The following CADPS2 variants were observed in gnomAD, a reference collection of about 807,000 sequenced individuals.
CADPS2 encodes the protein calcium dependent secretion activator 2, also known as calcium-dependent secretion activator 2.
A neutral mutation model predicts 172.5 loss-of-function variants in CADPS2; 93 were observed. The ratio of observed to expected loss-of-function variants is 0.54; its 90% CI spans 0.46 to 0.64. The LOEUF (loss-of-function observed/expected upper bound fraction) is 0.64, where lower values mean the gene tolerates loss of function less well. Ranked by LOEUF, CADPS2 falls within the 30% of genes least tolerant of loss-of-function variation. The pLI is 0.00. For synonymous variants in CADPS2, 546 were observed against 555.2 expected (o/e 0.98, Z 0.23); for missense variants, 1,420 against 1,565.9 (o/e 0.91, Z 1.57).
chr7:122,841,226 C>A (rs545119240), intron 1 of CADPS2, among the ~76,000 whole-genome samples: 4 of 152,086 alleles, frequency 2.6e-5, no homozygotes, highest in South Asian at 2.1e-4. Flanking sequence ...TTGTCAAATA[C>A]CCTAAAAAAG....
chr7:122,680,655 A>T (rs1023050481), intron 2 of CADPS2, among the ~76,000 whole-genome samples: 5 of 152,240 alleles, frequency 3.3e-5, no homozygotes, highest in Non-Finnish European at 5.9e-5. Context: ...TGGAGGTTGC[A>T]GTGGGTCGGG....
chr7:122,807,265 C>A (rs966421370), intron 1 of CADPS2, among the ~76,000 whole-genome samples: 1 of 152,192 alleles, frequency 6.6e-6, no homozygotes, highest in African/African-American at 2.4e-5. Context: ...ACACTGCAGG[C>A]TCCAAGACTC....
chr7:122,623,883 A>G (rs975184422), intron 4 of CADPS2, among the ~76,000 whole-genome samples: 1 of 152,228 alleles, frequency 6.6e-6, no homozygotes, highest in Non-Finnish European at 1.5e-5. Flanking sequence ...AATTTTCAAC[A>G]TGTTATGGAA....
intron 2 of CADPS2, among the ~76,000 whole-genome samples, chr7:122,688,029 C>G (rs930103238): frequency 6.6e-6 from 1 of 152,206 alleles, no homozygotes; most frequent in African/African-American, 2.4e-5. Flanking sequence ...CTACTTCAAA[C>G]TTAATTCACC....
chr7:122,461,382 T>C (rs2054406800), intron 14 of CADPS2, among the ~76,000 whole-genome samples: 1 of 152,064 alleles, frequency 6.6e-6, no homozygotes, highest in South Asian at 2.1e-4. Context: ...TAAAAAGAAA[T>C]GCACACCTAT....
chr7:122,355,109 T>G (rs2039205264), intron 27 of CADPS2, among the ~76,000 whole-genome samples: 1 of 152,208 alleles, frequency 6.6e-6, no homozygotes. Flanking sequence ...GTTTATTATA[T>G]TTAAATGGTT....
chr7:122,506,934 T>C (rs1312575845), intron 9 of CADPS2, among the ~76,000 whole-genome samples: 3 of 152,046 alleles, frequency 2.0e-5, no homozygotes, highest in Admixed American at 6.6e-5. Context: ...GATTTGCATA[T>C]ATTTATTTAC....
At chr7:122,604,674 T>G (rs2073260023) in intron 6 of CADPS2, among the ~76,000 whole-genome samples, 1 of 152,136 alleles carries the variant, frequency 6.6e-6, no homozygotes, top group South Asian at 2.1e-4. Context: ...CCCACAATAA[T>G]TCTGAAAAAT....
Position 122,491,295 on chromosome 7 carries a change from A to G in CADPS2, c.1651+17T>C. On this transcript the variant is annotated intron_variant, in intron 10 of 29. Transcript: ENST00000449022. ...GCATACATACATGGCAGGAAAAGTG[A>G]TTCAATTAAGATTTACCTGGGTGGG... is the stretch of plus-strand genomic sequence containing the variant. 9.2e-6 allele frequency: 14 copies of G among 1,515,132 alleles called. No homozygotes were observed. The highest frequency in any genetic ancestry group is 1.3e-5 in the Non-Finnish European group (14 of 1,103,874). 93.9% of individuals were successfully genotyped at this position (1,515,132 alleles called of 1,614,324 possible). A position where few individuals can be genotyped will look rare whatever the true frequency, so the allele number is the denominator to read the frequency against.
At chr7:122,408,177 G>C (rs1365873326) in intron 19 of CADPS2, among the ~76,000 whole-genome samples, 1 of 142,514 alleles carries the variant, frequency 7.0e-6, no homozygotes, top group Non-Finnish European at 1.5e-5. Flanking sequence ...AGGATATACT[G>C]TTATTTTTTT....
At chr7:122,526,153 A>T (rs1586859723) in intron 8 of CADPS2, among the ~76,000 whole-genome samples, 1 of 151,638 alleles carries the variant, frequency 6.6e-6, no homozygotes. Flanking sequence ...ACATGGATAA[A>T]CACTGTGTTG....
chr7:122,776,043 T>A (rs1412391021), intron 1 of CADPS2, among the ~76,000 whole-genome samples: 1 of 151,512 alleles, frequency 6.6e-6, no homozygotes, highest in Non-Finnish European at 1.5e-5. Flanking sequence ...AAAAGGAGGG[T>A]TTTTTAAATA....
chr7:122,361,068 G>T, intron 25 of CADPS2, 55 bp from the exon 26 acceptor site: 1 of 1,395,346 alleles, frequency 7.2e-7, no homozygotes, highest in Non-Finnish European at 1.0e-6. Context: ...CAAACTAATA[G>T]CAGGACAAAC....
intron 1 of CADPS2, among the ~76,000 whole-genome samples, chr7:122,764,024 T>C (rs1269440541): frequency 6.6e-6 from 1 of 152,188 alleles, no homozygotes; most frequent in Non-Finnish European, 1.5e-5. Flanking sequence ...CACATAATTA[T>C]AACCTCTAAG....
chr7:122,828,907 T>G (rs1805709054), intron 1 of CADPS2, among the ~76,000 whole-genome samples: 1 of 152,212 alleles, frequency 6.6e-6, no homozygotes, highest in Non-Finnish European at 1.5e-5. Flanking sequence ...GGGAACAGAA[T>G]GTATCCTACC....
At position 122,672,707 on chromosome 7, in the gene CADPS2, GC is replaced by G. The variant is rs558292880; in HGVS notation, c.454-9139del. ...TGCACCTTTGGCAGCCAGATGTCCT[GC>G]TGGTTGCTGGCCAACACCTGTGGAA... On this transcript the variant is annotated intron_variant, in intron 2 of 29. Coordinates refer to ENST00000449022, the MANE Select transcript of CADPS2 (RefSeq NM_017954.11). 1.2e-3 allele frequency among the ~76,000 whole-genome samples: 181 copies of G among 152,246 alleles called. 1 individual carries two copies. The Middle Eastern group carries it at 0.014, about 11-fold the overall frequency.
chr7:122,465,104 G>A (rs1262922693), intron 14 of CADPS2, among the ~76,000 whole-genome samples: 1 of 152,022 alleles, frequency 6.6e-6, no homozygotes, highest in African/African-American at 2.4e-5. Context: ...AAACTTGATG[G>A]ATTAAGAGAA....
chr7:122,717,086 T>C (rs1232114809), intron 2 of CADPS2, among the ~76,000 whole-genome samples: 1 of 152,196 alleles, frequency 6.6e-6, no homozygotes, highest in Non-Finnish European at 1.5e-5. Context: ...GTTGTGTGAA[T>C]ACTTCCTAAT....
intron 14 of CADPS2, among the ~76,000 whole-genome samples, chr7:122,453,220 T>C (rs1398886954): frequency 6.6e-6 from 1 of 152,162 alleles, no homozygotes; most frequent in Admixed American, 6.5e-5. Flanking sequence ...GAAAAATTAA[T>C]GGCCAAATAT....
Sources: gnomAD v4.1 joint callset for allele counts (sites outside exome capture counted in the v4.1 genomes callset) on GRCh38, gnomAD v4.1.1 for gene constraint, MANE v1.5 for transcripts, NCBI Gene and HGNC (gene_info 2026-07-23, HGNC 2026-07-21) for gene names.